Variants in MCMDC2 observed in about 807,000 individuals in gnomAD.
MCMDC2 encodes the protein minichromosome maintenance domain-containing protein 2.
Under a neutral mutation model 75.8 loss-of-function variants are expected in MCMDC2, and 54 were observed. The observed-to-expected ratio is 0.71, with a 90% CI of 0.57 to 0.89. MCMDC2 has a LOEUF of 0.89. Among genes scored for constraint, MCMDC2 ranks in the 40% least tolerant of loss-of-function variants. The pLI, the probability that MCMDC2 is intolerant of heterozygous loss-of-function variation, is 0.00. For missense variants in MCMDC2, 656 were observed against 780.4 expected, an observed-to-expected ratio of 0.84 and a Z score of 1.90; for synonymous variants, 249 against 274.6, an observed-to-expected ratio of 0.91 and a Z score of 0.92.
chr8:66,877,048 C>T (rs1299887946), intron 4 of MCMDC2, among the ~76,000 whole-genome samples: 2 of 151,986 alleles, frequency 1.3e-5, no homozygotes, highest in Admixed American at 6.6e-5. Context: ...GGTGAGCCAC[C>T]GTGCCCGGCC....
intron 9 of MCMDC2, among the ~76,000 whole-genome samples, chr8:66,886,974 A>G (rs769962007): frequency 2.6e-4 from 40 of 152,060 alleles, no homozygotes; most frequent in Non-Finnish European, 4.6e-4. Context: ...CGAGGTGACT[A>G]TTGATTTGAA....
intron 1 of MCMDC2, among the ~76,000 whole-genome samples, chr8:66,871,806 G>A (rs997098532): frequency 1.3e-5 from 2 of 151,880 alleles, no homozygotes; most frequent in African/African-American, 4.8e-5. Context: ...AGGCTGAGAA[G>A]GGAGGATAGC....
chr8:66,904,789 T>G (rs886932024), intron 13 of MCMDC2, among the ~76,000 whole-genome samples: 1 of 152,162 alleles, frequency 6.6e-6, no homozygotes, highest in Non-Finnish European at 1.5e-5. Context: ...GAAATTTAGT[T>G]TTCTGATGAA....
In MCMDC2 at chr8:66,877,496, C is replaced by A. The variant is rs1308519154; in HGVS notation, c.433C>A (p.Gln145Lys). The A allele has an allele frequency of 6.2e-7, 1 of 1,610,114 alleles. No homozygotes were observed. Among genetic ancestry groups the A allele is most frequent in the Admixed American group, 1.7e-5 (1 of 58,964 alleles). ...IAMTTITKYT[Q>K]GARFLCSDEA... ...AATGACAACTATAACCAAGTATACA[C>A]AAGGGGCAAGATTTCTTTGTTCAGA... The change falls in exon 5 of 15, where the codon CAA (glutamine) becomes AAA (lysine). Residue 145 changes from glutamine to lysine, a missense_variant. Coordinates refer to ENST00000422365, the MANE Select transcript of MCMDC2 (RefSeq NM_173518.5).
At chr8:66,905,986 CAG>C (rs1812891481) in intron 14 of MCMDC2, among the ~76,000 whole-genome samples, 1 of 139,888 alleles carries the variant, frequency 7.1e-6, no homozygotes, top group Admixed American at 7.5e-5. Flanking sequence ...GTCTGGGTGA[CAG>C]AGTGAGACTC....
intron 14 of MCMDC2, among the ~76,000 whole-genome samples, chr8:66,913,449 A>G (rs373818715): frequency 2.0e-5 from 3 of 152,178 alleles, no homozygotes; most frequent in East Asian, 3.8e-4. Flanking sequence ...TTATAATTTG[A>G]GGATTGATGT....
At chr8:66,925,153 C>CA (rs1813681714), downstream of MCMDC2, among the ~76,000 whole-genome samples, 1 of 152,232 alleles carries the variant, frequency 6.6e-6, no homozygotes, top group Admixed American at 6.5e-5. Flanking sequence ...CTCCTTAAGT[C>CA]AGAAGGCCCT....
chr8:66,880,262 T>G (rs952628724), intron 7 of MCMDC2, among the ~76,000 whole-genome samples: 11 of 152,260 alleles, frequency 7.2e-5, no homozygotes, highest in Admixed American at 7.2e-4. Flanking sequence ...GGCATGGTGG[T>G]TTACACCTGT....
intron 8 of MCMDC2, among the ~76,000 whole-genome samples, chr8:66,881,750 G>A (rs1003916076): frequency 6.6e-6 from 1 of 152,130 alleles, no homozygotes; most frequent in South Asian, 2.1e-4. Context: ...CAAGAAATAA[G>A]ATAAAGGCAG....
At chr8:66,906,826 G>A (rs897373100) in intron 14 of MCMDC2, among the ~76,000 whole-genome samples, 2 of 151,474 alleles carry the variant, frequency 1.3e-5, no homozygotes, top group African/African-American at 4.9e-5. Flanking sequence ...GCCCAGGCTG[G>A]AGTGCAATGG....
chr8:66,908,087 G>T (rs1460477088), intron 14 of MCMDC2, among the ~76,000 whole-genome samples: 1 of 152,134 alleles, frequency 6.6e-6, no homozygotes, highest in Non-Finnish European at 1.5e-5. Flanking sequence ...GATCCCATTT[G>T]TCAATTTTGG....
chr8:66,874,471 GAA>G lies in MCMDC2; in HGVS notation c.225+17_225+18del, dbSNP rs1563673725. On this transcript the variant is annotated intron_variant, in intron 3 of 14. Transcript: ENST00000422365. ...TCTTTCAATCAGTAAGTCAAAAAAA[GAA>G]ATAATTTTATGCCACATGGAATTTT... 1 of 1,611,320 alleles carries G rather than the reference GAA, an allele frequency of 6.2e-7. No individual in the cohort carries two copies. Among genetic ancestry groups the G allele is most frequent in the East Asian group, 2.2e-5 (1 of 44,800 alleles).
At chr8:66,873,899 A>G (rs776002402) in intron 1 of MCMDC2, 154 bp from the exon 2 acceptor site, 8 of 328,764 alleles carry the variant, frequency 2.4e-5, no homozygotes, top group Admixed American at 4.7e-5. Flanking sequence ...AAAAAAAAAG[A>G]AGTTATTTGG....
At position 66,888,430 on chromosome 8, in the gene MCMDC2, T is replaced by C. The variant is rs567819991; in HGVS notation, c.1074-2435T>C. ...AAAAAGAAGCCTTTGAGTATTTTGA[T>C]TGGAACTGTATTTAACGTGTAAATC... On this transcript the variant is annotated intron_variant, in intron 9 of 14. Coordinates refer to ENST00000422365, the MANE Select transcript of MCMDC2 (RefSeq NM_173518.5). Among the ~76,000 whole-genome samples the C allele has an allele frequency of 8.5e-4, 130 of 152,282 alleles. 2 individuals carry two copies. The South Asian group carries it at 0.027, about 31-fold the overall frequency.
chr8:66,913,664 C>A (rs1813195755), intron 14 of MCMDC2, among the ~76,000 whole-genome samples: 1 of 152,016 alleles, frequency 6.6e-6, no homozygotes, highest in South Asian at 2.1e-4. Context: ...AGAGAATAGA[C>A]ATTAAAAAGT....
intron 9 of MCMDC2, among the ~76,000 whole-genome samples, chr8:66,888,036 T>A (rs563545463): frequency 6.6e-6 from 1 of 152,192 alleles, no homozygotes; most frequent in Non-Finnish European, 1.5e-5. Context: ...TTTTAAAGAT[T>A]AAAAAAATTT....
rs781439521 is a variant in MCMDC2, at chr8:66,874,467, A to C, written c.225+11A>C. 1 of 1,611,786 alleles carries C rather than the reference A, an allele frequency of 6.2e-7. No homozygotes were observed. The highest frequency in any genetic ancestry group is 8.5e-7 in the Non-Finnish European group (1 of 1,179,514). On this transcript the variant is annotated intron_variant, in intron 3 of 14. Coordinates refer to ENST00000422365, the MANE Select transcript of MCMDC2 (RefSeq NM_173518.5). ...GAAGTCTTTCAATCAGTAAGTCAAA[A>C]AAAGAAATAATTTTATGCCACATGG...
chr8:66,896,877 A>C lies in MCMDC2; in HGVS notation c.1544A>C (p.Gln515Pro). ...SPCHPFLPTV[Q>P]HTLNKAINPE... ...TGCCACCCATTTCTTCCTACTGTGC[A>C]ACACACTTTGAACAAAGCCATTAAT... Residue 515 changes from glutamine (Q) to proline (P), a missense_variant, in exon 12 of 15, where the codon CAA becomes CCA. Transcript: ENST00000422365. 6.2e-7 allele frequency: 1 copy of C among 1,613,580 alleles called. No homozygotes were observed. Among genetic ancestry groups the C allele is most frequent in the East Asian group, 2.2e-5 (1 of 44,848 alleles).
intron 13 of MCMDC2, among the ~76,000 whole-genome samples, chr8:66,904,290 A>G (rs1004113352): frequency 2.6e-5 from 4 of 152,172 alleles, no homozygotes; most frequent in African/African-American, 9.6e-5. Context: ...TAAAGGAACT[A>G]GAAATATTTA....
Sources: allele counts gnomAD v4.1 joint callset (sites outside exome capture counted in the v4.1 genomes callset), GRCh38; gene constraint gnomAD v4.1.1; transcripts MANE v1.5; gene names NCBI Gene and HGNC (gene_info 2026-07-23, HGNC 2026-07-21).